Variants in SLCO3A1 observed in about 807,000 individuals in gnomAD.
SLCO3A1 encodes the protein PGE1 transporter.
SLCO3A1 carries 27 observed loss-of-function variants against 63.1 expected under a neutral mutation model. The observed-to-expected ratio is 0.43, with a 90% CI of 0.32 to 0.59. SLCO3A1 has a LOEUF of 0.59. SLCO3A1 is among the 20% of genes least tolerant of loss of function. The probability of loss-of-function intolerance (pLI) is 0.09; values close to 1 mark genes in which losing one functional copy is unlikely to be tolerated. For missense variants in SLCO3A1, 773 were observed against 945.8 expected (o/e 0.82, Z 2.40); for synonymous variants, 473 against 409.9 (o/e 1.15, Z -1.86).
chr15:92,067,651 G>T (rs2047167400), intron 2 of SLCO3A1, among the ~76,000 whole-genome samples: 1 of 152,204 alleles, frequency 6.6e-6, no homozygotes, highest in African/African-American at 2.4e-5. Context: ...AGATGGTGCT[G>T]CACCTTTTGG....
At chr15:92,026,166 T>C (rs994209912) in intron 2 of SLCO3A1, among the ~76,000 whole-genome samples, 1 of 152,080 alleles carries the variant, frequency 6.6e-6, no homozygotes, top group African/African-American at 2.4e-5. Flanking sequence ...TGTTTCTCCA[T>C]CCGGTAACTC....
chr15:92,064,311 G>T (rs1270883454), intron 2 of SLCO3A1, among the ~76,000 whole-genome samples: 1 of 152,140 alleles, frequency 6.6e-6, no homozygotes, highest in Admixed American at 6.5e-5. Context: ...CTGTTGAGTT[G>T]GTTGAGTTCT....
At chr15:92,107,116 G>C (rs1388973639) in intron 4 of SLCO3A1, among the ~76,000 whole-genome samples, 1 of 152,208 alleles carries the variant, frequency 6.6e-6, no homozygotes, top group African/African-American at 2.4e-5. Flanking sequence ...AGGTAGACAA[G>C]TCTGGGACCC....
chr15:91,976,742 G>T (rs1428616676), intron 2 of SLCO3A1, among the ~76,000 whole-genome samples: 2 of 152,132 alleles, frequency 1.3e-5, no homozygotes, highest in African/African-American at 4.8e-5. Context: ...ATGTTGGTAG[G>T]TTCCGTGATG....
chr15:92,161,170 G>A (rs2048432291), intron 9 of SLCO3A1, among the ~76,000 whole-genome samples: 1 of 152,154 alleles, frequency 6.6e-6, no homozygotes, highest in Non-Finnish European at 1.5e-5. Context: ...CACTGAAGAT[G>A]GTTGGCACTT....
At chr15:91,988,255 G>A (rs1390081099) in intron 2 of SLCO3A1, among the ~76,000 whole-genome samples, 1 of 151,820 alleles carries the variant, frequency 6.6e-6, no homozygotes, top group Non-Finnish European at 1.5e-5. Context: ...AAATAAGCCG[G>A]GCATGGTGGG....
At chr15:92,060,828 G>C (rs751031305) in intron 2 of SLCO3A1, among the ~76,000 whole-genome samples, 1 of 152,078 alleles carries the variant, frequency 6.6e-6, no homozygotes, top group South Asian at 2.1e-4. Flanking sequence ...TTTTATTTTT[G>C]TTCACTTTTT....
At chr15:91,889,189 A>G (rs75130046) in intron 1 of SLCO3A1, 21,906 of 1,284,812 alleles carry the variant, frequency 0.017, 852 homozygotes, top group Admixed American at 0.12. Flanking sequence ...CTGGAGATGC[A>G]TGCTCCTTAG....
At chr15:91,995,154 G>A (rs1233464118) in intron 2 of SLCO3A1, among the ~76,000 whole-genome samples, 4 of 152,204 alleles carry the variant, frequency 2.6e-5, no homozygotes, top group Non-Finnish European at 5.9e-5. Context: ...GCTCTGTGAA[G>A]TATGTGTTGT....
chr15:92,061,023 A>G (rs1306671089), intron 2 of SLCO3A1, among the ~76,000 whole-genome samples: 3 of 152,166 alleles, frequency 2.0e-5, no homozygotes, highest in Non-Finnish European at 4.4e-5. Context: ...TCATGGCTAT[A>G]TTTGGATCTG....
At chr15:92,114,776 TTCAAG>T (rs1164830808) in intron 4 of SLCO3A1, among the ~76,000 whole-genome samples, 1 of 152,128 alleles carries the variant, frequency 6.6e-6, no homozygotes, top group Non-Finnish European at 1.5e-5. Flanking sequence ...CTTTTATAGA[TTCAAG>T]TCCCCACAAA....
intron 1 of SLCO3A1, among the ~76,000 whole-genome samples, chr15:91,890,917 G>T (rs556689762): frequency 1.3e-5 from 2 of 152,204 alleles, no homozygotes; most frequent in African/African-American, 4.8e-5. Flanking sequence ...TCATTTTTAA[G>T]TAAAGGCTTT....
intron 2 of SLCO3A1, among the ~76,000 whole-genome samples, chr15:91,947,059 C>T (rs1007783529): frequency 2.0e-5 from 3 of 152,184 alleles, no homozygotes; most frequent in Non-Finnish European, 2.9e-5. Context: ...CATCGGGTCC[C>T]GAGTGACCAC....
chr15:92,020,330 C>T (rs1039366537), intron 2 of SLCO3A1, among the ~76,000 whole-genome samples: 1 of 152,136 alleles, frequency 6.6e-6, no homozygotes, highest in African/African-American at 2.4e-5. Context: ...TGTAAAGTCC[C>T]GAAGCCTCTA....
chr15:91,907,161 G>A (rs75383055), intron 1 of SLCO3A1, among the ~76,000 whole-genome samples: 3,970 of 152,222 alleles, frequency 0.026, 177 homozygotes, highest in African/African-American at 0.09. Context: ...AAATGCAGGC[G>A]ATGGCAGAGA....
intron 2 of SLCO3A1, among the ~76,000 whole-genome samples, chr15:92,026,798 A>G (rs1021827496): frequency 1.3e-5 from 2 of 152,230 alleles, no homozygotes; most frequent in South Asian, 2.1e-4. Context: ...AATGTCTAGC[A>G]TAGATTATGG....
intron 2 of SLCO3A1, among the ~76,000 whole-genome samples, chr15:92,038,762 T>A (rs1005185796): frequency 9.2e-5 from 14 of 152,176 alleles, no homozygotes; most frequent in African/African-American, 3.4e-4. Flanking sequence ...ACTTCAAATT[T>A]TATATGGAAC....
intron 1 of SLCO3A1, among the ~76,000 whole-genome samples, chr15:91,887,593 G>C (rs1897758067): frequency 6.6e-6 from 1 of 152,194 alleles, no homozygotes; most frequent in African/African-American, 2.4e-5. Context: ...TGCCAGGGTT[G>C]CTGGCCTGCC....
intron 1 of SLCO3A1, among the ~76,000 whole-genome samples, chr15:91,864,276 C>T (rs542004900): frequency 4.9e-4 from 75 of 152,274 alleles, no homozygotes; most frequent in African/African-American, 1.7e-3. Context: ...AAAATCAGGG[C>T]ACAGAATTGA....
Sources: gnomAD v4.1 joint callset for allele counts (sites outside exome capture counted in the v4.1 genomes callset) on GRCh38, gnomAD v4.1.1 for gene constraint, MANE v1.5 for transcripts, NCBI Gene and HGNC (gene_info 2026-07-23, HGNC 2026-07-21) for gene names.